Variants in TMEM267 observed in about 807,000 individuals in gnomAD.
TMEM267 encodes transmembrane protein 267.
In TMEM267, 20 loss-of-function variants were observed where a neutral mutation model predicts 19.3. The ratio of observed to expected loss-of-function variants is 1.04; its 90% CI spans 0.73 to 1.51. The LOEUF is 1.51. Ranked by LOEUF, TMEM267 falls within the 40% of genes most tolerant of loss-of-function variation. The pLI is 0.00. For missense variants in TMEM267, 242 were observed against 261.9 expected (o/e 0.92, Z 0.52); for synonymous variants, 88 against 90.3 (o/e 0.97, Z 0.15).
chr5:43,482,012 T>G (rs1015892677), intron 1 of TMEM267, among the ~76,000 whole-genome samples: 4 of 152,084 alleles, frequency 2.6e-5, no homozygotes, highest in African/African-American at 9.7e-5. Flanking sequence ...CCGGCTAATT[T>G]CTTGTATTTT....
At chr5:43,483,663 G>A (rs1744948553) in intron 1 of TMEM267, among the ~76,000 whole-genome samples, 159 bp downstream of exon 1, 2 of 152,184 alleles carry the variant, frequency 1.3e-5, no homozygotes, top group African/African-American at 4.8e-5. Flanking sequence ...TGGCTCCCGC[G>A]TGGCGGCTGT....
At chr5:43,477,954 G>GT (rs1744527521) in intron 1 of TMEM267, among the ~76,000 whole-genome samples, 3 of 152,108 alleles carry the variant, frequency 2.0e-5, no homozygotes, top group African/African-American at 7.2e-5. Context: ...TGGGTTTGTG[G>GT]GCGTTAATGT....
At chr5:43,460,457 G>A (rs922629077) in intron 1 of TMEM267, among the ~76,000 whole-genome samples, 1 of 151,190 alleles carries the variant, frequency 6.6e-6, no homozygotes, top group East Asian at 1.9e-4. Context: ...TATCTACACA[G>A]AAAAAAAATA....
rs1181260189 is a variant in TMEM267, at chr5:43,471,590, C to T, written c.-75+12232G>A. Among the ~76,000 whole-genome samples, 5 of 152,014 alleles carry T rather than the reference C, an allele frequency of 3.3e-5. No homozygotes were observed. The South Asian group carries it at 1.0e-3, about 31-fold the overall frequency. On this transcript the variant is annotated intron_variant, in intron 1 of 2. Coordinates refer to ENST00000397080, the MANE Select transcript of TMEM267 (RefSeq NM_022483.5). ...AAACAGCATGGTTCTGACATAAAAA[C>T]AGACACATCAGCCAATGAAACAGAA...
intron 1 of TMEM267, among the ~76,000 whole-genome samples, chr5:43,477,221 T>C (rs1028112323): frequency 6.6e-6 from 1 of 151,842 alleles, no homozygotes; most frequent in African/African-American, 2.4e-5. Context: ...AATAAGGAAA[T>C]TGGGAAATCA....
intron 1 of TMEM267, among the ~76,000 whole-genome samples, chr5:43,455,622 G>T (rs1346263212): frequency 6.6e-6 from 1 of 151,922 alleles, no homozygotes; most frequent in Admixed American, 6.6e-5. Flanking sequence ...ATCTTGGCTC[G>T]CTGCAACCTC....
chr5:43,471,663 G>T (rs79654737), intron 1 of TMEM267, among the ~76,000 whole-genome samples: 1 of 152,086 alleles, frequency 6.6e-6, no homozygotes, highest in Non-Finnish European at 1.5e-5. Flanking sequence ...ACTAATTTTT[G>T]ACAAAGGTGC....
intron 1 of TMEM267, among the ~76,000 whole-genome samples, chr5:43,471,441 A>G (rs942194983): frequency 6.6e-6 from 1 of 152,020 alleles, no homozygotes; most frequent in African/African-American, 2.4e-5. Flanking sequence ...AAAAAAAAAA[A>G]TCCTAAAATT....
intron 1 of TMEM267, among the ~76,000 whole-genome samples, chr5:43,461,247 C>T (rs574995907): frequency 6.6e-6 from 1 of 152,302 alleles, no homozygotes; most frequent in African/African-American, 2.4e-5. Flanking sequence ...CACCTGCTAA[C>T]TGAAGAGCCC....
At chr5:43,454,899 C>A (rs1263240601) in intron 1 of TMEM267, among the ~76,000 whole-genome samples, 1 of 152,148 alleles carries the variant, frequency 6.6e-6, no homozygotes, top group East Asian at 1.9e-4. Context: ...ATTTGTCTAC[C>A]TAAAGTGTGA....
At chr5:43,481,815 G>A (rs112255924) in intron 1 of TMEM267, among the ~76,000 whole-genome samples, 11,612 of 152,010 alleles carry the variant, frequency 0.076, 791 homozygotes, top group African/African-American at 0.18. Flanking sequence ...CCCACAGAAA[G>A]AATAAAATTA....
chr5:43,464,475 C>T (rs181705957), intron 1 of TMEM267, among the ~76,000 whole-genome samples: 20 of 152,258 alleles, frequency 1.3e-4, no homozygotes, highest in Admixed American at 7.8e-4. Flanking sequence ...CCTATGGAAC[C>T]AAAAAAGAGC....
intron 1 of TMEM267, among the ~76,000 whole-genome samples, chr5:43,465,943 TTA>T: frequency 7.0e-6 from 1 of 143,500 alleles, no homozygotes; most frequent in East Asian, 2.0e-4. Context: ...ACCCTAAAAC[TTA>T]AAGTATAATA....
intron 1 of TMEM267, among the ~76,000 whole-genome samples, chr5:43,461,239 C>A (rs1376301393): frequency 6.6e-6 from 1 of 152,166 alleles, no homozygotes; most frequent in Admixed American, 6.5e-5. Flanking sequence ...GCATTCATCA[C>A]CTGCTAACTG....
At chr5:43,479,234 T>TA (rs1233094129) in intron 1 of TMEM267, among the ~76,000 whole-genome samples, 1 of 152,002 alleles carries the variant, frequency 6.6e-6, no homozygotes, top group Non-Finnish European at 1.5e-5. Flanking sequence ...AAATAATATG[T>TA]AAAAAATTAC....
chr5:43,446,663 CA>C (rs1742256948), intron 2 of TMEM267, 106 bp from the exon 3 acceptor site: 2 of 635,044 alleles, frequency 3.1e-6, no homozygotes, highest in Non-Finnish European at 5.2e-6. Flanking sequence ...ATTGGACATG[CA>C]AAAGAAACAT....
rs67848213 is a variant in TMEM267 at position 43,476,508 on chromosome 5, CTTTTTTTTTTTTTTTT to C, written c.-75+7298_-75+7313del. Among the ~76,000 whole-genome samples, 329 of 54,872 alleles carry C rather than the reference CTTTTTTTTTTTTTTTT, an allele frequency of 6.0e-3. 8 individuals are homozygous for C. The highest frequency in any genetic ancestry group is 0.024 in the African/African-American group (311 of 12,872). 36.0% of individuals were successfully genotyped at this position (54,872 alleles called of 152,430 possible). On this transcript the variant is annotated intron_variant, in intron 1 of 2. Transcript: ENST00000397080. The stretch of plus-strand genomic sequence containing the variant: ...ATCCTAACTGATACAAAAGCCAGAC[CTTTTTTTTTTTTTTTT>C]TTTTTTTTTTTTTGCATAAGAAGAC...
At chr5:43,478,794 GT>G (rs1744583834) in intron 1 of TMEM267, among the ~76,000 whole-genome samples, 1 of 152,114 alleles carries the variant, frequency 6.6e-6, no homozygotes, top group South Asian at 2.1e-4. Context: ...TTAGTAATCA[GT>G]TGAATTCAAA....
rs970035087 is a variant in TMEM267, at chr5:43,450,580, G to C, written c.312+3078C>G. Among the ~76,000 whole-genome samples, 4 of 152,324 alleles carry C rather than the reference G, an allele frequency of 2.6e-5. No homozygotes were observed. The South Asian group carries it at 8.3e-4, about 32-fold the overall frequency. ...TTACAGCAGAGGAAACTGAGGCAGT[G>C]AGGCTAGTTACTTCCCCCATACTGT... On this transcript the variant is annotated intron_variant, in intron 2 of 2. Transcript: ENST00000397080.
Sources: allele counts gnomAD v4.1 joint callset (sites outside exome capture counted in the v4.1 genomes callset), GRCh38; gene constraint gnomAD v4.1.1; transcripts MANE v1.5; gene names NCBI Gene and HGNC (gene_info 2026-07-23, HGNC 2026-07-21).